Variants in ATG13 observed in about 807,000 individuals in gnomAD.
ATG13 encodes autophagy related 13, also known as autophagy-related protein 13.
ATG13 carries 23 observed loss-of-function variants against 65.5 expected under a neutral mutation model. That is an observed-to-expected ratio of 0.35 (90% CI 0.25 to 0.50). ATG13 has a LOEUF of 0.50. Among genes scored for constraint, ATG13 ranks in the 20% least tolerant of loss-of-function variants. ATG13 has a pLI of 0.98. For missense variants in ATG13, 566 were observed against 677.0 expected, an observed-to-expected ratio of 0.84 and a Z score of 1.82; for synonymous variants, 252 against 245.2, an observed-to-expected ratio of 1.03 and a Z score of -0.26.
At chr11:46,636,648 A>G (rs955743879) in intron 2 of ATG13, among the ~76,000 whole-genome samples, 2 of 149,852 alleles carry the variant, frequency 1.3e-5, no homozygotes, top group African/African-American at 2.5e-5. Context: ...GTAGAGATGG[A>G]GTTTCACTAT....
intron 7 of ATG13, among the ~76,000 whole-genome samples, chr11:46,654,305 A>ATATATATG (rs1230137838): frequency 1.4e-5 from 2 of 144,158 alleles, no homozygotes; most frequent in Non-Finnish European, 3.0e-5. Flanking sequence ...ATATATATAT[A>ATATATATG]TATATGTAAA....
At position 46,649,151 on chromosome 11, in the gene ATG13, G is replaced by C. The variant is rs762067700; in HGVS notation, c.285G>C (p.Glu95Asp). ...CCTTTCTACAGGGAGATTCCATGGA[G>C]CTGGAAATATGGTGTCTTGAAATGA... ...SLKTSEGDSM[E>D]LEIWCLEMNE... Residue 95 changes from glutamate to aspartate, a missense_variant, in exon 6 of 19, where the codon GAG (glutamate) becomes GAC (aspartate). Around this residue, in one of 2 missense-constraint regions of ATG13, gnomAD observed 179 missense variants for 267.2 expected, o/e 0.67. Coordinates refer to ENST00000683050, the MANE Select transcript of ATG13 (RefSeq NM_001346311.2). 6.2e-7 allele frequency: 1 copy of C among 1,613,038 alleles called. No homozygotes were observed. Among genetic ancestry groups the C allele is most frequent in the Non-Finnish European group, 8.5e-7 (1 of 1,179,426 alleles).
At chr11:46,631,820 C>CA (rs1177962869) in intron 2 of ATG13, among the ~76,000 whole-genome samples, 4 of 152,160 alleles carry the variant, frequency 2.6e-5, no homozygotes, top group Non-Finnish European at 5.9e-5. Flanking sequence ...TCCAGGCTTG[C>CA]AGTGAGCTAT....
At chr11:46,647,619 T>G (rs1172883572) in intron 5 of ATG13, among the ~76,000 whole-genome samples, 1 of 151,906 alleles carries the variant, frequency 6.6e-6, no homozygotes, top group Non-Finnish European at 1.5e-5. Flanking sequence ...TCACCCAGGC[T>G]GGAGTGCAGT....
chr11:46,652,311 A>G (rs2059089976), intron 7 of ATG13, among the ~76,000 whole-genome samples: 1 of 152,120 alleles, frequency 6.6e-6, no homozygotes, highest in Admixed American at 6.6e-5. Flanking sequence ...GCTTTTGGAT[A>G]CAAATAACTG....
intron 18 of ATG13, among the ~76,000 whole-genome samples, 173 bp from the exon 19 acceptor site, chr11:46,672,082 C>G (rs549244838): frequency 6.6e-6 from 1 of 152,234 alleles, no homozygotes; most frequent in African/African-American, 2.4e-5. Flanking sequence ...AGCCCTGATG[C>G]ATATACCCCT....
intron 10 of ATG13, among the ~76,000 whole-genome samples, chr11:46,657,942 G>A (rs1454765702): frequency 6.6e-6 from 1 of 152,058 alleles, no homozygotes; most frequent in Non-Finnish European, 1.5e-5. Flanking sequence ...GCCAGCACAT[G>A]CCTATAATCC....
At chr11:46,630,575 T>TTTTG (rs1000092180) in intron 2 of ATG13, among the ~76,000 whole-genome samples, 1 of 149,936 alleles carries the variant, frequency 6.7e-6, no homozygotes, top group African/African-American at 2.5e-5. Context: ...AGGCTTTTTT[T>TTTTG]TTTTTTTTTT....
intron 3 of ATG13, among the ~76,000 whole-genome samples, chr11:46,645,131 C>A (rs958299316): frequency 2.6e-5 from 4 of 152,096 alleles, no homozygotes; most frequent in Non-Finnish European, 5.9e-5. Context: ...GACACTGTAC[C>A]CTCAGGAATG....
chr11:46,644,986 T>C (rs933575461), intron 3 of ATG13, among the ~76,000 whole-genome samples: 2 of 152,226 alleles, frequency 1.3e-5, no homozygotes, highest in African/African-American at 4.8e-5. Flanking sequence ...GTTATAAGTT[T>C]GTGGCAGGGA....
chr11:46,641,482 T>C (rs188275262), intron 2 of ATG13, among the ~76,000 whole-genome samples: 1 of 152,316 alleles, frequency 6.6e-6, no homozygotes, highest in Admixed American at 6.5e-5. Flanking sequence ...ATTATAGACA[T>C]AATGTTGAAT....
chr11:46,649,943 TA>T (rs577626708), intron 6 of ATG13, among the ~76,000 whole-genome samples: 7 of 149,450 alleles, frequency 4.7e-5, no homozygotes, highest in East Asian at 2.0e-4. Flanking sequence ...GCTTTATTTC[TA>T]AAAAAAAAAT....
At chr11:46,657,353 C>G (rs1439758064) in intron 9 of ATG13, 162 bp downstream of exon 9, 3 of 923,408 alleles carry the variant, frequency 3.2e-6, no homozygotes, top group Non-Finnish European at 5.0e-6. Flanking sequence ...TTTGAGTGTC[C>G]CAGAGCCAGT....
intron 11 of ATG13, among the ~76,000 whole-genome samples, chr11:46,663,082 G>A (rs574196616): frequency 1.9e-3 from 283 of 151,984 alleles, no homozygotes; most frequent in African/African-American, 6.6e-3. Context: ...TGGCTAACAC[G>A]GTGAAACCCC....
chr11:46,636,007 A>G (rs1203282702), intron 2 of ATG13, among the ~76,000 whole-genome samples: 2 of 152,238 alleles, frequency 1.3e-5, no homozygotes, highest in Middle Eastern at 3.4e-3. Flanking sequence ...GTACAATGGC[A>G]CAGTTGTTAG....
In ATG13 at chr11:46,659,482, C is replaced by A. The variant is rs2060707735; in HGVS notation, c.786C>A (p.Ser262=). ...CCTCTTTTTCCACCTCCCCACCATC[C>A]CAGGTAGGGGGAAGCAGGTTCTGGG... ...CTTSFSTSPP[S]QCVFTVTKAH... The change falls in exon 11 of 19, where the codon TCC becomes TCA. Residue 262 remains serine, a synonymous_variant. Transcript: ENST00000683050. 6.2e-7 allele frequency: 1 copy of A among 1,611,842 alleles called. No homozygotes were observed. The highest frequency in any genetic ancestry group is 8.5e-7 in the Non-Finnish European group (1 of 1,177,996).
At chr11:46,661,939 C>G (rs1202101536) in intron 11 of ATG13, among the ~76,000 whole-genome samples, 2 of 152,088 alleles carry the variant, frequency 1.3e-5, no homozygotes, top group Non-Finnish European at 2.9e-5. Context: ...TTCTATTGTC[C>G]TAGTTTGTTT....
rs564904303 is a variant in ATG13 at position 46,646,483 on chromosome 11, G to A, written c.270+494G>A. Among the ~76,000 whole-genome samples, 4 of 149,492 alleles carry A rather than the reference G, an allele frequency of 2.7e-5. No individual in the cohort carries two copies. The South Asian group carries it at 8.5e-4, about 32-fold the overall frequency. ...TTTTTGTTTTTGTTTTTGTTTTTGA[G>A]ACAGAGTTTCACTCTTGTTGCCCAG... is the stretch of plus-strand genomic sequence containing the variant. On this transcript the variant is annotated intron_variant, in intron 5 of 18. Transcript: ENST00000683050.
chr11:46,636,046 C>G (rs1018502680), intron 2 of ATG13, among the ~76,000 whole-genome samples: 8 of 152,036 alleles, frequency 5.3e-5, no homozygotes, highest in African/African-American at 1.9e-4. Flanking sequence ...TTAGGAATGT[C>G]TGAAGTGGGT....
Sources: gnomAD v4.1 joint callset for allele counts (sites outside exome capture counted in the v4.1 genomes callset) on GRCh38, gnomAD v4.1.1 for gene constraint, gnomAD v4.1.1 regional missense constraint, MANE v1.5 for transcripts, NCBI Gene and HGNC (gene_info 2026-07-23, HGNC 2026-07-21) for gene names.